Variants in KCNQ1 observed in about 807,000 individuals in gnomAD.
KCNQ1 encodes the protein potassium voltage-gated channel subfamily Q member 1, also known as potassium voltage-gated channel subfamily KQT member 1.
Under a neutral mutation model 72.4 loss-of-function variants are expected in KCNQ1, and 49 were observed. The observed-to-expected ratio is 0.68, with a 90% CI of 0.54 to 0.86. The LOEUF is 0.86. Ranked by LOEUF, KCNQ1 falls within the 40% of genes least tolerant of loss-of-function variation. The pLI is 0.00. For synonymous variants in KCNQ1, 450 were observed against 412.6 expected (o/e 1.09, Z -1.10); for missense variants, 790 against 945.1 (o/e 0.84, Z 2.15).
chr11:2,694,321 A>G (rs1850637228), intron 11 of KCNQ1: 1 of 398,668 alleles, frequency 2.5e-6, no homozygotes, highest in Admixed American at 4.4e-5. Context: ...AGTGGTTGTC[A>G]TCTGCGGTGC....
In KCNQ1 at chr11:2,710,516, C is replaced by G. The variant is rs1045530546; in HGVS notation, c.1514+48435C>G. Among the ~76,000 whole-genome samples, 12 of 152,098 alleles carry G rather than the reference C, an allele frequency of 7.9e-5. No individual in the cohort carries two copies. Among genetic ancestry groups the G allele is most frequent in the Admixed American group, 7.2e-4 (11 of 15,270 alleles). ...ATTTATCTGTTTCTTTCTTTGGATG[C>G]TTATGTTTTTGGTGTCATAACTAAA... On this transcript the variant is annotated intron_variant, in intron 11 of 15. Transcript: ENST00000155840. This position sits in a 1 kb window ranked among gnomAD's most constrained non-coding sequence, Gnocchi z 4.1.
In KCNQ1 at chr11:2,463,893, CA is replaced by C. The variant is rs1215923971; in HGVS notation, c.386+18410del. On this transcript the variant is annotated intron_variant, in intron 1 of 15. Coordinates refer to ENST00000155840, the MANE Select transcript of KCNQ1 (RefSeq NM_000218.3). The surrounding 1 kb of genome is among the most constrained non-coding windows in gnomAD (Gnocchi z 7.0). ...GCGGGGACTTGTTTGGCTGATGGAT[CA>C]GGGGGAAGGTTCTCCCCACGGTGTG... 2.0e-5 allele frequency among the ~76,000 whole-genome samples: 3 copies of C among 152,228 alleles called. No homozygotes were observed. Among genetic ancestry groups the C allele is most frequent in the Non-Finnish European group, 2.9e-5 (2 of 68,042 alleles).
Position 2,837,334 on chromosome 11 carries a change from C to G in KCNQ1, c.1795-10433C>G, listed in dbSNP as rs372497704. ...CTGGGGACGAGGGGCCTCATCCTTCCCCTGAGCCCCTCCCTTCAGGCCCAG... is the reference window on the plus strand; with the variant it reads ...CTGGGGACGAGGGGCCTCATCCTTCGCCTGAGCCCCTCCCTTCAGGCCCAG... On this transcript the variant is annotated intron_variant, in intron 15 of 15. Coordinates refer to ENST00000155840, the MANE Select transcript of KCNQ1 (RefSeq NM_000218.3). 1.4e-3 allele frequency among the ~76,000 whole-genome samples: 211 copies of G among 152,220 alleles called. 1 individual carries two copies. The highest frequency in any genetic ancestry group is 4.9e-3 in the African/African-American group (204 of 41,546).
chr11:2,616,161 C>T (rs1175406105), intron 10 of KCNQ1: 4 of 396,894 alleles, frequency 1.0e-5, no homozygotes, highest in African/African-American at 6.2e-5. Flanking sequence ...TCTTTTATCA[C>T]ACTTTTTATT....
In KCNQ1 at chr11:2,544,870, T is replaced by C. The variant is rs1449618040; in HGVS notation, c.477+16852T>C. ...TGTCCAATACAAGTGAACACTGCTG[T>C]GTCCCCAGCCTTAGAAGACACACAT... On this transcript the variant is annotated intron_variant, in intron 2 of 15. Transcript: ENST00000155840. This position sits in a 1 kb window ranked among gnomAD's most constrained non-coding sequence, Gnocchi z 4.4. Among the ~76,000 whole-genome samples, 1 of 152,232 alleles carries C rather than the reference T, an allele frequency of 6.6e-6. No individual in the cohort carries two copies. The highest frequency in any genetic ancestry group is 1.5e-5 in the Non-Finnish European group (1 of 68,042).
rs1850431717 is a variant in KCNQ1, at chr11:2,683,454, A to G, written c.1514+21373A>G. ...GTAACTGGAAAAATGTAGGAATTAC[A>G]TATGATTCCATCAATGACAGTTTTC... is the stretch of plus-strand genomic sequence containing the variant. On this transcript the variant is annotated intron_variant, in intron 11 of 15. Transcript: ENST00000155840. This position sits in a 1 kb window ranked among gnomAD's most constrained non-coding sequence, Gnocchi z 4.7. 1 of 398,684 alleles carries G rather than the reference A, an allele frequency of 2.5e-6. No individual in the cohort carries two copies. Among genetic ancestry groups the G allele is most frequent in the Admixed American group, 4.4e-5 (1 of 22,740 alleles). The allele number at this position is 398,684 out of a possible 1,614,324, so 24.7% of individuals were successfully genotyped here.
chr11:2,743,663 G>C (rs1351729513), intron 11 of KCNQ1, among the ~76,000 whole-genome samples: 1 of 152,294 alleles, frequency 6.6e-6, no homozygotes, highest in Non-Finnish European at 1.5e-5. Context: ...CCTGGAGTCT[G>C]CACAGCTACA....
At chr11:2,733,836 T>G (rs1449178482) in intron 11 of KCNQ1, among the ~76,000 whole-genome samples, 5 of 36,354 alleles carry the variant, frequency 1.4e-4, no homozygotes, top group African/African-American at 1.9e-4. Flanking sequence ...TCTCTCTCTC[T>G]CTCTCTCTCT....
At position 2,759,574 on chromosome 11, in the gene KCNQ1, C is replaced by T. The variant is rs1234425508; in HGVS notation, c.1515-9270C>T. 6.6e-6 allele frequency among the ~76,000 whole-genome samples: 1 copy of T among 152,202 alleles called. No homozygotes were observed. The highest frequency in any genetic ancestry group is 1.5e-5 in the Non-Finnish European group (1 of 68,032). The stretch of plus-strand genomic sequence containing the variant: ...GGAGGGAGTTGCAAAGAGCGACACC[C>T]CAGCATGTGGGAAGGAAGGGAGCGA... On this transcript the variant is annotated intron_variant, in intron 11 of 15. Transcript: ENST00000155840. The surrounding 1 kb of genome is among the most constrained non-coding windows in gnomAD (Gnocchi z 4.4).
rs958494917 is a variant in KCNQ1, at chr11:2,745,834, C to A, written c.1515-23010C>A. Among the ~76,000 whole-genome samples the A allele has an allele frequency of 2.0e-5, 3 of 152,262 alleles. No homozygotes were observed. Among genetic ancestry groups the A allele is most frequent in the Non-Finnish European group, 4.4e-5 (3 of 68,052 alleles). The stretch of plus-strand genomic sequence containing the variant: ...CAGGACCAGGAGCAGGCGGCAGCAG[C>A]AAGGCAGCTCATCCTCGGCTGCCTC... On this transcript the variant is annotated intron_variant, in intron 11 of 15. Coordinates refer to ENST00000155840, the MANE Select transcript of KCNQ1 (RefSeq NM_000218.3). The surrounding 1 kb of genome is among the most constrained non-coding windows in gnomAD (Gnocchi z 6.2).
intron 13 of KCNQ1, among the ~76,000 whole-genome samples, chr11:2,776,316 G>A (rs1041359785): frequency 7.9e-5 from 12 of 152,056 alleles, no homozygotes; most frequent in African/African-American, 1.9e-4. Context: ...TAGGGGAGGC[G>A]CGTAGGGGAG....
Position 2,653,262 on chromosome 11 carries a change from C to T in KCNQ1, c.1394-8699C>T, listed in dbSNP as rs12364218. On this transcript the variant is annotated intron_variant, in intron 10 of 15. Transcript: ENST00000155840. The surrounding 1 kb of genome is among the most constrained non-coding windows in gnomAD (Gnocchi z 5.3). ...TTCCCACAAGCCTTCTCCCTGCCCT[C>T]TGCCCTGAAAACTAGTGGGGGCAGT... 2.5e-6 allele frequency: 1 copy of T among 398,760 alleles called. No homozygotes were observed. Among genetic ancestry groups the T allele is most frequent in the Admixed American group, 4.4e-5 (1 of 22,742 alleles). 24.7% of individuals were successfully genotyped at this position (398,760 alleles called of 1,614,324 possible).
rs1446929230 is a variant in KCNQ1, at chr11:2,658,669, C to G, written c.1394-3292C>G. On this transcript the variant is annotated intron_variant, in intron 10 of 15. Coordinates refer to ENST00000155840, the MANE Select transcript of KCNQ1 (RefSeq NM_000218.3). The surrounding 1 kb of genome is among the most constrained non-coding windows in gnomAD (Gnocchi z 4.9). ...GGGTATCATTGCTTCAGTCTCCTCT[C>G]AGTGGACAGAGCTAGGAAATATATG... The G allele has an allele frequency of 2.0e-5, 8 of 398,384 alleles. No individual in the cohort carries two copies. Among genetic ancestry groups the G allele is most frequent in the Non-Finnish European group, 3.5e-5 (8 of 226,052 alleles). 24.7% of individuals were successfully genotyped at this position (398,384 alleles called of 1,614,324 possible).
At chr11:2,793,687 A>G (rs1294739406) in intron 15 of KCNQ1, among the ~76,000 whole-genome samples, 1 of 152,204 alleles carries the variant, frequency 6.6e-6, no homozygotes, top group Non-Finnish European at 1.5e-5. Flanking sequence ...TGGAGGGACC[A>G]GAAGTCACAA....
chr11:2,476,695 TTG>T (rs1846573338), intron 1 of KCNQ1, among the ~76,000 whole-genome samples: 1 of 152,158 alleles, frequency 6.6e-6, no homozygotes, highest in Admixed American at 6.5e-5. Context: ...AAAGTTTTGT[TTG>T]TGTTTTTAAG....
At chr11:2,459,278 C>G (rs1376286283) in intron 1 of KCNQ1, among the ~76,000 whole-genome samples, 1 of 152,120 alleles carries the variant, frequency 6.6e-6, no homozygotes, top group East Asian at 1.9e-4. Context: ...GCGTGGTGTC[C>G]AGGGACTGTG....
At position 2,846,287 on chromosome 11, in the gene KCNQ1, G is replaced by C. The variant is rs79366925; in HGVS notation, c.1795-1480G>C. Among the ~76,000 whole-genome samples, 1,352 of 152,300 alleles carry C rather than the reference G, an allele frequency of 8.9e-3. 24 individuals carry two copies. Among genetic ancestry groups the C allele is most frequent in the African/African-American group, 0.03 (1,257 of 41,556 alleles). On this transcript the variant is annotated intron_variant, in intron 15 of 15. Transcript: ENST00000155840. ...CTGAGTCATCTTCGTGCCTCTCTCT[G>C]GAGCCATACGTTTCCCTGAAGCAGC...
rs1284749720 is a variant in KCNQ1, at chr11:2,612,633, CTT to C, written c.1393+23781_1393+23782del. 1 of 398,344 alleles carries C rather than the reference CTT, an allele frequency of 2.5e-6. No individual in the cohort carries two copies. Among genetic ancestry groups the C allele is most frequent in the Non-Finnish European group, 4.4e-6 (1 of 226,040 alleles). 24.7% of individuals were successfully genotyped at this position (398,344 alleles called of 1,614,324 possible). On this transcript the variant is annotated intron_variant, in intron 10 of 15. Transcript: ENST00000155840. This position sits in a 1 kb window ranked among gnomAD's most constrained non-coding sequence, Gnocchi z 5.5. ...TATTGATATTATCTATTTGATGAGTCTTTGTCATCACACTTGCATTCTTTAAT... is the reference window on the plus strand; with the variant it reads ...TATTGATATTATCTATTTGATGAGTCTGTCATCACACTTGCATTCTTTAAT...
intron 10 of KCNQ1, chr11:2,633,651 C>A (rs1849400580): frequency 2.5e-6 from 1 of 398,300 alleles, no homozygotes; most frequent in Admixed American, 4.4e-5. Flanking sequence ...TTCTTGGCAC[C>A]TTTGTCAAAA....
Sources: allele counts gnomAD v4.1 joint callset (sites outside exome capture counted in the v4.1 genomes callset), GRCh38; gene constraint gnomAD v4.1.1; non-coding constraint Gnocchi (gnomAD v3.1); transcripts MANE v1.5; gene names NCBI Gene and HGNC (gene_info 2026-07-23, HGNC 2026-07-21).